Variants in CRISPLD2 observed in about 807,000 individuals in gnomAD.
The protein encoded by CRISPLD2 is cysteine-rich secretory protein LCCL domain-containing 2.
Under a neutral mutation model 71.1 loss-of-function variants are expected in CRISPLD2, and 47 were observed. That is an observed-to-expected ratio of 0.66 (90% CI 0.52 to 0.84). CRISPLD2 has a LOEUF of 0.84. CRISPLD2 is among the 40% of genes least tolerant of loss of function. The probability of loss-of-function intolerance (pLI) is 0.00; values close to 1 mark genes in which losing one functional copy is unlikely to be tolerated. For synonymous variants in CRISPLD2, 317 were observed against 250.1 expected, an observed-to-expected ratio of 1.27 and a Z score of -2.52; for missense variants, 830 against 651.1, an observed-to-expected ratio of 1.27 and a Z score of -2.99.
chr16:84,830,561 G>C (rs1234077303), intron 1 of CRISPLD2, among the ~76,000 whole-genome samples: 1 of 152,058 alleles, frequency 6.6e-6, no homozygotes, highest in Non-Finnish European at 1.5e-5. Context: ...AAATTAGCCA[G>C]GCGTGGTGGC....
intron 13 of CRISPLD2, among the ~76,000 whole-genome samples, chr16:84,887,241 G>T (rs1384922166): frequency 6.6e-6 from 1 of 152,206 alleles, no homozygotes; most frequent in Admixed American, 6.5e-5. Flanking sequence ...TGGGGGTTAA[G>T]CTTTTAAGCT....
chr16:84,822,613 A>G (rs538831837), intron 1 of CRISPLD2, among the ~76,000 whole-genome samples: 2 of 152,302 alleles, frequency 1.3e-5, no homozygotes, highest in South Asian at 4.1e-4. Context: ...GTGCAAACCC[A>G]GGATCACTCA....
At chr16:84,885,809 C>CTTA (rs1187626543) in intron 13 of CRISPLD2, among the ~76,000 whole-genome samples, 25 of 131,818 alleles carry the variant, frequency 1.9e-4, no homozygotes, top group African/African-American at 6.4e-4. Context: ...TGTTGGATCC[C>CTTA]TTCTTTTTTT....
intron 7 of CRISPLD2, among the ~76,000 whole-genome samples, chr16:84,867,609 C>T (rs1352180076): frequency 3.3e-5 from 5 of 152,344 alleles, no homozygotes; most frequent in African/African-American, 1.2e-4. Flanking sequence ...TCTTGTCACC[C>T]AGGTTGGAGT....
chr16:84,894,691 A>G (rs745563462), intron 14 of CRISPLD2, among the ~76,000 whole-genome samples: 9 of 152,202 alleles, frequency 5.9e-5, no homozygotes, highest in Non-Finnish European at 1.3e-4. Context: ...TATCCATATT[A>G]TTTCAGTATG....
intron 8 of CRISPLD2, among the ~76,000 whole-genome samples, chr16:84,871,870 GAAAAAAAAAA>G (rs56328159): frequency 3.0e-4 from 30 of 100,058 alleles, no homozygotes; most frequent in East Asian, 2.8e-3. Flanking sequence ...TTTCAAATGA[GAAAAAAAAAA>G]AAAAAAAAAA....
At chr16:84,897,988 A>G (rs1352540505) in intron 14 of CRISPLD2, among the ~76,000 whole-genome samples, 1 of 152,246 alleles carries the variant, frequency 6.6e-6, no homozygotes, top group Non-Finnish European at 1.5e-5. Context: ...TAGCTCTTCA[A>G]GCCCTAGCCT....
intron 1 of CRISPLD2, among the ~76,000 whole-genome samples, chr16:84,832,212 T>C (rs1005176956): frequency 1.1e-4 from 17 of 152,230 alleles, no homozygotes; most frequent in African/African-American, 4.1e-4. Context: ...GTGCACTGAC[T>C]GGGGACTGAA....
Position 84,908,871 on chromosome 16 carries a change from T to G in CRISPLD2, c.*2229T>G, listed in dbSNP as rs367661684. ...GCCCGGCTAATTTTTGTATTTTTAG[T>G]AGAGATGGGGTTTCATTATGTTGGC... On this transcript the variant is annotated 3_prime_UTR_variant, in exon 15 of 15. Transcript: ENST00000262424. 6.6e-6 allele frequency: 1 copy of G among 151,984 alleles called. No individual in the cohort carries two copies. The highest frequency in any genetic ancestry group is 1.9e-4 in the East Asian group (1 of 5,184). 9.4% of individuals were successfully genotyped at this position (151,984 alleles called of 1,614,324 possible).
chr16:84,874,082 T>A, intron 11 of CRISPLD2, 119 bp downstream of exon 11: 1 of 878,442 alleles, frequency 1.1e-6, no homozygotes, highest in Non-Finnish European at 1.8e-6. Flanking sequence ...ATTATGGTTC[T>A]CATCATTGTC....
chr16:84,865,006 G>A (rs1326846351), intron 6 of CRISPLD2, among the ~76,000 whole-genome samples: 1 of 152,202 alleles, frequency 6.6e-6, no homozygotes, highest in Non-Finnish European at 1.5e-5. Context: ...GCCCAGGAAG[G>A]CGTCAGGGAG....
chr16:84,867,482 A>T (rs1597467336), intron 7 of CRISPLD2, among the ~76,000 whole-genome samples: 1 of 152,194 alleles, frequency 6.6e-6, no homozygotes, highest in Non-Finnish European at 1.5e-5. Context: ...TGCCACATCA[A>T]GGTTGCCCGG....
At chr16:84,891,291 G>A (rs942907536) in intron 14 of CRISPLD2, among the ~76,000 whole-genome samples, 1 of 152,174 alleles carries the variant, frequency 6.6e-6, no homozygotes, top group Non-Finnish European at 1.5e-5. Flanking sequence ...CCTGGGACAC[G>A]GCCCCTGCTT....
At chr16:84,852,113 A>C (rs1917105902) in intron 5 of CRISPLD2, among the ~76,000 whole-genome samples, 1 of 152,238 alleles carries the variant, frequency 6.6e-6, no homozygotes, top group African/African-American at 2.4e-5. Flanking sequence ...CCACTATCTT[A>C]CATGGTGGTG....
At chr16:84,825,421 G>C (rs1916328306) in intron 1 of CRISPLD2, among the ~76,000 whole-genome samples, 1 of 152,054 alleles carries the variant, frequency 6.6e-6, no homozygotes, top group South Asian at 2.1e-4. Context: ...AAATTAGCTG[G>C]TGTCCTCTCA....
At chr16:84,899,246 T>C (rs7187464) in intron 14 of CRISPLD2, among the ~76,000 whole-genome samples, 1 of 152,218 alleles carries the variant, frequency 6.6e-6, no homozygotes, top group African/African-American at 2.4e-5. Context: ...TGAAAGTTGC[T>C]TGATACACTT....
intron 5 of CRISPLD2, among the ~76,000 whole-genome samples, chr16:84,852,263 C>A (rs1234690432): frequency 1.3e-5 from 2 of 152,224 alleles, no homozygotes; most frequent in Admixed American, 1.3e-4. Context: ...TGGGGAGACA[C>A]ATAATGAAAG....
At chr16:84,884,718 C>T (rs1418003739) in intron 13 of CRISPLD2, among the ~76,000 whole-genome samples, 2 of 152,166 alleles carry the variant, frequency 1.3e-5, no homozygotes, top group Non-Finnish European at 2.9e-5. Context: ...TGAGAAAGAT[C>T]CGGCCATGGG....
intron 13 of CRISPLD2, among the ~76,000 whole-genome samples, chr16:84,882,420 T>G (rs1170790917): frequency 6.6e-6 from 1 of 152,014 alleles, no homozygotes; most frequent in Non-Finnish European, 1.5e-5. Context: ...CTTTTTTTTC[T>G]TTTTTTGAGA....
Sources: allele counts gnomAD v4.1 joint callset (sites outside exome capture counted in the v4.1 genomes callset), GRCh38; gene constraint gnomAD v4.1.1; transcripts MANE v1.5; gene names NCBI Gene and HGNC (gene_info 2026-07-23, HGNC 2026-07-21).